The following ROBO2 variants were observed in gnomAD, a reference collection of about 807,000 sequenced individuals.
The protein encoded by ROBO2 is roundabout guidance receptor 2, also known as roundabout homolog 2.
In ROBO2, 53 loss-of-function variants were observed where a neutral mutation model predicts 160.8. That is an observed-to-expected ratio of 0.33 (90% CI 0.26 to 0.41). The LOEUF is 0.41. ROBO2 is among the 10% of genes least tolerant of loss of function. ROBO2 has a pLI of 1.00. For synonymous variants in ROBO2, 664 were observed against 611.7 expected (o/e 1.09, Z -1.26); for missense variants, 1,577 against 1,722.4 (o/e 0.92, Z 1.49).
intron 2 of ROBO2, among the ~76,000 whole-genome samples, chr3:77,248,496 G>T: frequency 6.6e-6 from 1 of 152,196 alleles, no homozygotes; most frequent in East Asian, 1.9e-4. Flanking sequence ...AAAGGGTTTT[G>T]TCATACTCCG....
chr3:76,545,010 C>A (rs1378497174), intron 2 of ROBO2, among the ~76,000 whole-genome samples: 2 of 151,922 alleles, frequency 1.3e-5, no homozygotes, highest in Non-Finnish European at 2.9e-5. Context: ...ATATTGATGT[C>A]CAGGGCTAAA....
chr3:76,515,869 G>A (rs2081324897), intron 2 of ROBO2, among the ~76,000 whole-genome samples: 1 of 152,082 alleles, frequency 6.6e-6, no homozygotes, highest in Non-Finnish European at 1.5e-5. Flanking sequence ...GAACATGTAT[G>A]GTCTCTCGAT....
chr3:76,604,392 G>A (rs2087475209), intron 2 of ROBO2, among the ~76,000 whole-genome samples: 1 of 152,028 alleles, frequency 6.6e-6, no homozygotes, highest in Admixed American at 6.5e-5. Context: ...ACAGCCAAGT[G>A]GTGATCTTAT....
intron 2 of ROBO2, among the ~76,000 whole-genome samples, chr3:76,345,170 G>A (rs1032206557): frequency 6.6e-6 from 1 of 152,022 alleles, no homozygotes. Context: ...GAGGTGTGTC[G>A]GGGAGGAGGT....
chr3:77,561,832 G>A (rs931776194), intron 9 of ROBO2, among the ~76,000 whole-genome samples: 4 of 151,936 alleles, frequency 2.6e-5, no homozygotes, highest in African/African-American at 7.3e-5. Flanking sequence ...GGCTGGGCAC[G>A]GTGGCTCACA....
At chr3:77,459,533 A>G (rs2082018771) in intron 2 of ROBO2, among the ~76,000 whole-genome samples, 1 of 152,238 alleles carries the variant, frequency 6.6e-6, no homozygotes, top group African/African-American at 2.4e-5. Flanking sequence ...CTTACATTTT[A>G]TTAAAAGCAG....
intron 2 of ROBO2, among the ~76,000 whole-genome samples, chr3:77,270,285 C>G (rs1580527785): frequency 6.6e-6 from 1 of 152,144 alleles, no homozygotes. Context: ...AACAAAATGC[C>G]ACGTAATCTT....
chr3:77,491,997 T>G, intron 4 of ROBO2, among the ~76,000 whole-genome samples: 1 of 152,344 alleles, frequency 6.6e-6, no homozygotes, highest in East Asian at 1.9e-4. Context: ...ATTTATACTC[T>G]TAACATCTAT....
At chr3:76,733,384 G>A (rs1412769258) in intron 2 of ROBO2, among the ~76,000 whole-genome samples, 1 of 152,168 alleles carries the variant, frequency 6.6e-6, no homozygotes, top group South Asian at 2.1e-4. Flanking sequence ...TGTATGTCAA[G>A]TATTAGAAAA....
intron 2 of ROBO2, among the ~76,000 whole-genome samples, chr3:77,469,554 G>T (rs541465610): frequency 3.3e-5 from 5 of 152,190 alleles, no homozygotes; most frequent in African/African-American, 1.2e-4. Context: ...TTTTCTCTTA[G>T]TCCATTGGAA....
At chr3:77,277,175 T>TCTTTC (rs2059910841) in intron 2 of ROBO2, among the ~76,000 whole-genome samples, 1 of 100,564 alleles carries the variant, frequency 9.9e-6, no homozygotes, top group Non-Finnish European at 2.0e-5. Flanking sequence ...TTTCTTTCTT[T>TCTTTC]CTTTCTTTCT....
intron 2 of ROBO2, among the ~76,000 whole-genome samples, chr3:76,695,917 T>A (rs910676479): frequency 6.6e-6 from 1 of 152,198 alleles, no homozygotes; most frequent in Non-Finnish European, 1.5e-5. Context: ...TTTGATTTGA[T>A]GATTTTTTTA....
chr3:76,125,972 G>A (rs567199461), intron 2 of ROBO2, among the ~76,000 whole-genome samples: 19 of 152,084 alleles, frequency 1.2e-4, no homozygotes, highest in Admixed American at 2.6e-4. Flanking sequence ...GATGACAGGC[G>A]CGTGCCACCA....
chr3:77,018,454 A>C (rs924072757), intron 2 of ROBO2, among the ~76,000 whole-genome samples: 3 of 152,180 alleles, frequency 2.0e-5, no homozygotes, highest in South Asian at 2.1e-4. Context: ...ATTTTAAAAG[A>C]ATTCTATATT....
chr3:77,091,073 A>T (rs1191962430), intron 1 of ROBO2, among the ~76,000 whole-genome samples: 1 of 152,214 alleles, frequency 6.6e-6, no homozygotes, highest in Non-Finnish European at 1.5e-5. Flanking sequence ...AATTTAGAAC[A>T]GCTTGAAATA....
intron 2 of ROBO2, among the ~76,000 whole-genome samples, chr3:76,805,993 T>G (rs1015355963): frequency 6.6e-6 from 1 of 151,952 alleles, no homozygotes; most frequent in Non-Finnish European, 1.5e-5. Context: ...GTCTGTGTTC[T>G]TAATGCATTA....
chr3:76,129,991 G>T (rs1327683697), intron 2 of ROBO2, among the ~76,000 whole-genome samples: 1 of 152,038 alleles, frequency 6.6e-6, no homozygotes, highest in African/African-American at 2.4e-5. Context: ...AAAAACATAT[G>T]AGAAGGTTTT....
intron 1 of ROBO2, among the ~76,000 whole-genome samples, chr3:77,076,664 T>G (rs562655934): frequency 6.6e-6 from 1 of 152,332 alleles, no homozygotes; most frequent in Admixed American, 6.5e-5. Flanking sequence ...TAAGTATTAG[T>G]TATAATTTCT....
chr3:77,402,170 AAC>A (rs1223781667), intron 2 of ROBO2, among the ~76,000 whole-genome samples: 3 of 152,186 alleles, frequency 2.0e-5, no homozygotes, highest in African/African-American at 4.8e-5. Flanking sequence ...TCAGCAAACT[AAC>A]ACAGGAAAAG....
Sources: gnomAD v4.1 joint callset for allele counts (sites outside exome capture counted in the v4.1 genomes callset) on GRCh38, gnomAD v4.1.1 for gene constraint, MANE v1.5 for transcripts, NCBI Gene and HGNC (gene_info 2026-07-23, HGNC 2026-07-21) for gene names.